The following POU2F1 variants were observed in gnomAD, a reference collection of about 807,000 sequenced individuals.
POU2F1 encodes POU domain, class 2, transcription factor 1.
POU2F1 carries 16 observed loss-of-function variants against 84.9 expected under a neutral mutation model. That is an observed-to-expected ratio of 0.19 (90% CI 0.13 to 0.29). The LOEUF (loss-of-function observed/expected upper bound fraction) is 0.29, where lower values mean the gene tolerates loss of function less well. POU2F1 is among the 10% of genes least tolerant of loss of function. The pLI, the probability that POU2F1 is intolerant of heterozygous loss-of-function variation, is 1.00. For missense variants in POU2F1, 738 were observed against 942.6 expected (o/e 0.78, Z 2.84); for synonymous variants, 368 against 368.3 (o/e 1.00, Z 0.01).
intron 12 of POU2F1, among the ~76,000 whole-genome samples, chr1:167,400,070 G>A (rs138880441): frequency 1.2e-4 from 16 of 132,646 alleles, no homozygotes; most frequent in African/African-American, 4.3e-4. Context: ...TGCAACCTCC[G>A]CCTCCTGGGT....
intron 1 of POU2F1, among the ~76,000 whole-genome samples, chr1:167,235,513 T>G (rs1250923473): frequency 2.0e-5 from 3 of 152,198 alleles, no homozygotes; most frequent in Non-Finnish European, 4.4e-5. Flanking sequence ...GAATCACATC[T>G]TAGTAGTTAC....
chr1:167,329,224 G>C lies in POU2F1; in HGVS notation c.62-3246G>C, dbSNP rs555853199. ...GTACCTTCTTTCCCCACCCCAAACT[G>C]CTACCTGTTTCTTCCTTGTTTGGAC... On this transcript the variant is annotated intron_variant, in intron 1 of 15. Transcript: ENST00000367866. 2.1e-5 allele frequency: 32 copies of C among 1,540,878 alleles called. No individual in the cohort carries two copies. The South Asian group carries it at 3.6e-4, about 17-fold the overall frequency.
At chr1:167,392,178 C>T (rs765443538) in intron 9 of POU2F1, among the ~76,000 whole-genome samples, 4 of 151,768 alleles carry the variant, frequency 2.6e-5, no homozygotes, top group South Asian at 2.1e-4. Context: ...GGCGAAACCC[C>T]GTCTCTACTA....
intron 13 of POU2F1, among the ~76,000 whole-genome samples, chr1:167,403,394 A>G (rs1649341776): frequency 6.6e-6 from 1 of 152,230 alleles, no homozygotes; most frequent in African/African-American, 2.4e-5. Context: ...ATAAATTGTG[A>G]TGATTTAAGC....
In POU2F1 at chr1:167,374,343, T is replaced by A. The variant is rs146681485; in HGVS notation, c.591+47T>A. On this transcript the variant is annotated intron_variant, in intron 6 of 15. Coordinates refer to ENST00000367866, the MANE Select transcript of POU2F1 (RefSeq NM_002697.4). The stretch of plus-strand genomic sequence containing the variant: ...CTGGGGCAGCAAGTGAGGAATAAAG[T>A]GGCAGGTTTTATTTAATGTTAGATT... 2.9e-3 allele frequency: 4,413 copies of A among 1,502,112 alleles called. 19 individuals are homozygous for A. Among genetic ancestry groups the A allele is most frequent in the Middle Eastern group, 0.011 (44 of 4,104 alleles). 93.0% of individuals were successfully genotyped at this position (1,502,112 alleles called of 1,614,324 possible). A position where few individuals can be genotyped will look rare whatever the true frequency, so the allele number is the denominator to read the frequency against.
At chr1:167,232,784 A>G (rs1649161025) in intron 1 of POU2F1, among the ~76,000 whole-genome samples, 1 of 151,896 alleles carries the variant, frequency 6.6e-6, no homozygotes, top group Non-Finnish European at 1.5e-5. Flanking sequence ...TGGAGGTTGC[A>G]GTGAGCTGAG....
At chr1:167,405,266 C>T (rs1649490693) in intron 13 of POU2F1, among the ~76,000 whole-genome samples, 2 of 152,038 alleles carry the variant, frequency 1.3e-5, no homozygotes, top group Admixed American at 1.3e-4. Flanking sequence ...ATTATATAGC[C>T]ACCTTAACAA....
At chr1:167,291,845 A>G (rs918448929) in intron 1 of POU2F1, among the ~76,000 whole-genome samples, 1 of 152,192 alleles carries the variant, frequency 6.6e-6, no homozygotes, top group Admixed American at 6.5e-5. Context: ...CCTCCTAAAC[A>G]GTCAGAGGCA....
At chr1:167,234,733 G>A (rs1488215818) in intron 1 of POU2F1, among the ~76,000 whole-genome samples, 2 of 152,112 alleles carry the variant, frequency 1.3e-5, no homozygotes, top group East Asian at 1.9e-4. Context: ...TACCATGTCT[G>A]TTAAAACAAA....
chr1:167,295,135 C>T (rs1040788048), intron 1 of POU2F1, among the ~76,000 whole-genome samples: 10 of 151,670 alleles, frequency 6.6e-5, no homozygotes, highest in Non-Finnish European at 1.3e-4. Context: ...AAAAAAAAAC[C>T]TAACAGTAGA....
chr1:167,395,954 A>G (rs967033558), intron 9 of POU2F1, among the ~76,000 whole-genome samples: 2 of 152,232 alleles, frequency 1.3e-5, no homozygotes, highest in Non-Finnish European at 2.9e-5. Context: ...GGTTGTATCA[A>G]TTAAGGGGCT....
At chr1:167,316,953 G>T (rs995858542) in intron 1 of POU2F1, among the ~76,000 whole-genome samples, 1 of 152,138 alleles carries the variant, frequency 6.6e-6, no homozygotes, top group South Asian at 2.1e-4. Context: ...GTGCAGTGGT[G>T]CAGTCTAGGC....
rs1652497549 is a variant in POU2F1, at chr1:167,273,240, T to C, written c.61+52282T>C. Among the ~76,000 whole-genome samples the C allele has an allele frequency of 2.0e-5, 3 of 152,322 alleles. No individual in the cohort carries two copies. In the South Asian group the frequency reaches 6.2e-4, roughly 32 times the overall value. ...CAGGGTACAGCCCCTCGGCTGTCTT[T>C]ACAGGCTGTCGTTGAGTGCATGTGG... On this transcript the variant is annotated intron_variant, in intron 1 of 15. Coordinates refer to ENST00000367866, the MANE Select transcript of POU2F1 (RefSeq NM_002697.4).
chr1:167,272,622 G>A (rs1005000410), intron 1 of POU2F1, among the ~76,000 whole-genome samples: 1 of 152,082 alleles, frequency 6.6e-6, no homozygotes, highest in Admixed American at 6.5e-5. Context: ...GAGAGAAGTA[G>A]GAGGGGCTAC....
chr1:167,312,408 A>G (rs1655561470), intron 1 of POU2F1, among the ~76,000 whole-genome samples: 1 of 151,908 alleles, frequency 6.6e-6, no homozygotes, highest in African/African-American at 2.4e-5. Context: ...TTTTTAGTAG[A>G]AATGAGGTTT....
At chr1:167,250,624 C>T (rs1283060478) in intron 1 of POU2F1, among the ~76,000 whole-genome samples, 3 of 152,140 alleles carry the variant, frequency 2.0e-5, no homozygotes, top group Non-Finnish European at 4.4e-5. Context: ...TGTTGGTTTT[C>T]TTTAAACTTT....
In POU2F1 at chr1:167,385,448, G is replaced by A. The variant is rs185727994; in HGVS notation, c.813+1497G>A. ...ATAAAACTCAAGTAATGAAGACAGTGTAATACTGGCATATGGATAGAAATA... is the reference window on the plus strand; with the variant it reads ...ATAAAACTCAAGTAATGAAGACAGTATAATACTGGCATATGGATAGAAATA... On this transcript the variant is annotated intron_variant, in intron 8 of 15. Transcript: ENST00000367866. 4.3e-4 allele frequency among the ~76,000 whole-genome samples: 65 copies of A among 152,214 alleles called. 1 individual carries two copies. In the East Asian group the frequency reaches 0.012, roughly 28 times the overall value.
chr1:167,255,024 C>T (rs995534793), intron 1 of POU2F1, among the ~76,000 whole-genome samples: 4 of 152,156 alleles, frequency 2.6e-5, no homozygotes, highest in Non-Finnish European at 5.9e-5. Flanking sequence ...GTGTACGTGC[C>T]TGGCCCCAAA....
At chr1:167,341,629 T>C (rs1159120604) in intron 2 of POU2F1, among the ~76,000 whole-genome samples, 1 of 152,232 alleles carries the variant, frequency 6.6e-6, no homozygotes, top group Non-Finnish European at 1.5e-5. Flanking sequence ...AAGCACTTTC[T>C]GGGCTCTGGC....
Sources: gnomAD v4.1 joint callset for allele counts (sites outside exome capture counted in the v4.1 genomes callset) on GRCh38, gnomAD v4.1.1 for gene constraint, MANE v1.5 for transcripts, NCBI Gene and HGNC (gene_info 2026-07-23, HGNC 2026-07-21) for gene names.